Variants in SLC44A5 observed in about 807,000 individuals in gnomAD.
The protein encoded by SLC44A5 is choline transporter-like protein 5.
SLC44A5 carries 57 observed loss-of-function variants against 101.8 expected under a neutral mutation model. The ratio of observed to expected loss-of-function variants is 0.56; its 90% CI spans 0.45 to 0.70. SLC44A5 has a LOEUF of 0.70. Among genes scored for constraint, SLC44A5 ranks in the 30% least tolerant of loss-of-function variants. The pLI is 0.00. For synonymous variants in SLC44A5, 281 were observed against 290.9 expected (o/e 0.97, Z 0.35); for missense variants, 737 against 853.1 (o/e 0.86, Z 1.70).
At chr1:75,656,958 G>A in the SLC44A5 span, among the ~76,000 whole-genome samples, 1 of 152,236 alleles carries the variant, frequency 6.6e-6, no homozygotes, top group Admixed American at 6.5e-5. Flanking sequence ...AGACCAGCCT[G>A]GCCAACATGG....
chr1:75,218,058 G>A (rs1227800089), intron 17 of SLC44A5, 98 bp from the exon 18 acceptor site: 10 of 788,792 alleles, frequency 1.3e-5, no homozygotes, highest in Non-Finnish European at 2.1e-5. Flanking sequence ...ATCTGCAGAA[G>A]GATTAACAGC....
At chr1:75,287,827 C>T (rs943767957) in intron 5 of SLC44A5, among the ~76,000 whole-genome samples, 1 of 152,154 alleles carries the variant, frequency 6.6e-6, no homozygotes, top group Non-Finnish European at 1.5e-5. Context: ...GCCGTGAATA[C>T]CAGCACCTAC....
chr1:75,553,107 T>C (rs1672030726), intron 1 of SLC44A5, among the ~76,000 whole-genome samples: 1 of 152,148 alleles, frequency 6.6e-6, no homozygotes, highest in African/African-American at 2.4e-5. Flanking sequence ...GTAGACTATA[T>C]TTCTGATTTC....
chr1:75,289,322 G>A (rs765374010), intron 5 of SLC44A5, among the ~76,000 whole-genome samples: 13 of 152,200 alleles, frequency 8.5e-5, no homozygotes, highest in Non-Finnish European at 1.9e-4. Flanking sequence ...GAGAGTCACA[G>A]TAGAGGTCTC....
intron 7 of SLC44A5, among the ~76,000 whole-genome samples, chr1:75,245,235 T>A (rs932156367): frequency 6.6e-6 from 1 of 152,152 alleles, no homozygotes; most frequent in Admixed American, 6.6e-5. Flanking sequence ...CATCCACACG[T>A]GTGCATGCAC....
chr1:75,307,731 A>G (rs1037510653), intron 4 of SLC44A5, among the ~76,000 whole-genome samples: 1 of 152,044 alleles, frequency 6.6e-6, no homozygotes, highest in African/African-American at 2.4e-5. Context: ...TCCCACATAC[A>G]TTGTCTGACA....
At chr1:75,696,943 C>A in the SLC44A5 span, among the ~76,000 whole-genome samples, 2 of 150,820 alleles carry the variant, frequency 1.3e-5, no homozygotes, top group East Asian at 3.9e-4. Flanking sequence ...TTTATGCGAT[C>A]AGGAGTGGGC....
intron 2 of SLC44A5, among the ~76,000 whole-genome samples, chr1:75,469,211 G>T (rs1312886049): frequency 6.6e-6 from 1 of 152,080 alleles, no homozygotes; most frequent in African/African-American, 2.4e-5. Flanking sequence ...TTGAAGGCTG[G>T]TCTGTATTTT....
intron 3 of SLC44A5, among the ~76,000 whole-genome samples, chr1:75,360,119 C>T (rs909460890): frequency 2.0e-5 from 3 of 152,210 alleles, no homozygotes. Context: ...CGCAAATTGT[C>T]TGCCTTTTCA....
intron 2 of SLC44A5, among the ~76,000 whole-genome samples, chr1:75,503,167 C>CT (rs1669061111): frequency 6.6e-6 from 1 of 152,114 alleles, no homozygotes; most frequent in Non-Finnish European, 1.5e-5. Context: ...TTTCTCAAAT[C>CT]TTCTCTCAAG....
At chr1:75,535,888 AC>A (rs1670969695) in intron 2 of SLC44A5, among the ~76,000 whole-genome samples, 1 of 151,982 alleles carries the variant, frequency 6.6e-6, no homozygotes, top group African/African-American at 2.4e-5. Flanking sequence ...ATTACTGGAA[AC>A]CCTATAAAAC....
chr1:75,549,021 G>C (rs1194196293), intron 1 of SLC44A5, among the ~76,000 whole-genome samples: 3 of 152,112 alleles, frequency 2.0e-5, no homozygotes, highest in African/African-American at 7.2e-5. Context: ...ATCTCAGCCA[G>C]GTTTCTGGAA....
chr1:75,504,725 T>C (rs1669151369), intron 2 of SLC44A5, among the ~76,000 whole-genome samples: 1 of 152,200 alleles, frequency 6.6e-6, no homozygotes, highest in African/African-American at 2.4e-5. Context: ...TCATTAAAGT[T>C]CTAAATTAGG....
intron 2 of SLC44A5, among the ~76,000 whole-genome samples, chr1:75,537,033 A>AAAAATATAT (rs35829590): frequency 2.3e-5 from 1 of 43,022 alleles, no homozygotes; most frequent in Non-Finnish European, 5.8e-5. Flanking sequence ...AAAAAAAAAA[A>AAAAATATAT]ATATATATCT....
intron 23 of SLC44A5, chr1:75,204,927 G>A (rs1387707120): frequency 6.6e-6 from 1 of 152,186 alleles, no homozygotes; most frequent in Admixed American, 6.5e-5. Context: ...TTCTCAGGTA[G>A]AGGTCACTAT....
the SLC44A5 span, among the ~76,000 whole-genome samples, chr1:75,671,833 T>C: frequency 6.6e-6 from 1 of 152,256 alleles, no homozygotes; most frequent in African/African-American, 2.4e-5. Flanking sequence ...TGAAGTTTTC[T>C]GAAATGGCTG....
At chr1:75,506,785 AT>A (rs1309685129) in intron 2 of SLC44A5, among the ~76,000 whole-genome samples, 2 of 151,356 alleles carry the variant, frequency 1.3e-5, no homozygotes, top group African/African-American at 4.9e-5. Flanking sequence ...AAGAGAGATA[AT>A]TTGACTTATT....
chr1:75,641,991 C>A, the SLC44A5 span: 1 of 1,497,682 alleles, frequency 6.7e-7, no homozygotes, highest in South Asian at 1.1e-5. Context: ...TCTTCCTCCT[C>A]ATCATCTTCA....
At chr1:75,425,911 T>A (rs1284122444) in intron 2 of SLC44A5, among the ~76,000 whole-genome samples, 1 of 152,200 alleles carries the variant, frequency 6.6e-6, no homozygotes, top group Admixed American at 6.5e-5. Context: ...GTGCCCTTTT[T>A]CTCAGGTGAG....
Sources: allele counts gnomAD v4.1 joint callset (sites outside exome capture counted in the v4.1 genomes callset), GRCh38; gene constraint gnomAD v4.1.1; transcripts MANE v1.5; gene names NCBI Gene and HGNC (gene_info 2026-07-23, HGNC 2026-07-21).